The following ZW10 variants were observed in gnomAD, a reference collection of about 807,000 sequenced individuals.
ZW10 encodes the protein centromere/kinetochore protein zw10 homolog.
A neutral mutation model predicts 87.8 loss-of-function variants in ZW10; 53 were observed. That is an observed-to-expected ratio of 0.60 (90% CI 0.48 to 0.76). The LOEUF is 0.76. Ranked by LOEUF, ZW10 falls within the 30% of genes least tolerant of loss-of-function variation. The probability of loss-of-function intolerance (pLI) is 0.00; values close to 1 mark genes in which losing one functional copy is unlikely to be tolerated. For missense variants in ZW10, 837 were observed against 923.0 expected (o/e 0.91, Z 1.21); for synonymous variants, 312 against 329.2 (o/e 0.95, Z 0.57).
chr11:113,770,828 G>GAA (rs796466689), intron 1 of ZW10, among the ~76,000 whole-genome samples: 2 of 84,276 alleles, frequency 2.4e-5, no homozygotes, highest in East Asian at 3.5e-4. Flanking sequence ...CCTCAAAAAA[G>GAA]AAAAAAAAAA....
chr11:113,742,823 G>A (rs1170269437), intron 10 of ZW10, among the ~76,000 whole-genome samples: 1 of 152,156 alleles, frequency 6.6e-6, no homozygotes, highest in Non-Finnish European at 1.5e-5. Context: ...ATTAAAGCTA[G>A]GAAAGTATCT....
In ZW10 at chr11:113,743,651, T is replaced by TTTTTG. The variant is rs572653289; in HGVS notation, c.1511+146_1511+150dup. On this transcript the variant is annotated intron_variant, in intron 10 of 15. Coordinates refer to ENST00000200135, the MANE Select transcript of ZW10 (RefSeq NM_004724.4). ...ACATAAATCTGTGTGATGCACTGGGTTTTTGTTTTGTTTTGTTTTGTTTCC... is the reference window on the plus strand; with the variant it reads ...ACATAAATCTGTGTGATGCACTGGGTTTTTGTTTTGTTTTGTTTTGTTTTGTTTCC... The TTTTTG allele has an allele frequency of 4.4e-4, 302 of 687,996 alleles. 4 individuals carry two copies. The East Asian group carries it at 6.7e-3, about 15-fold the overall frequency. The allele number at this position is 687,996 out of a possible 1,614,324, so 42.6% of individuals were successfully genotyped here. A position where few individuals can be genotyped will look rare whatever the true frequency, so the allele number is the denominator to read the frequency against.
Position 113,760,269 on chromosome 11 carries a change from G to A in ZW10, c.520C>T (p.Leu174Phe), listed in dbSNP as rs756978303. ...TGCCACTCTTCTCCAAGGTGATAAAGTATGTTCTGTTTCTGTATTGTGAGC... is the reference window on the plus strand; with the variant it reads ...TGCCACTCTTCTCCAAGGTGATAAAATATGTTCTGTTTCTGTATTGTGAGC... ...MELTIQKQNI[L>F]YHLGEEWQKL... The change falls in exon 5 of 16, where the codon CTT (leucine) becomes TTT (phenylalanine). Residue 174 changes from leucine (L) to phenylalanine (F), a missense_variant. Transcript: ENST00000200135. 2.5e-6 allele frequency: 4 copies of A among 1,614,088 alleles called. No individual in the cohort carries two copies. The Admixed American group carries it at 5.0e-5, about 20-fold the overall frequency.
At chr11:113,754,661 G>A (rs762465198) in intron 7 of ZW10, among the ~76,000 whole-genome samples, 6 of 152,086 alleles carry the variant, frequency 3.9e-5, no homozygotes, top group Non-Finnish European at 5.9e-5. Flanking sequence ...ACCCAGGAGT[G>A]CAGTAACGTG....
intron 5 of ZW10, among the ~76,000 whole-genome samples, chr11:113,759,992 G>T (rs1007302620): frequency 1.3e-5 from 2 of 152,164 alleles, no homozygotes; most frequent in African/African-American, 4.8e-5. Context: ...TAGGGAACAG[G>T]ACAGCTAAGA....
intron 9 of ZW10, among the ~76,000 whole-genome samples, 169 bp downstream of exon 9, chr11:113,747,362 G>A (rs1246804180): frequency 2.6e-5 from 4 of 152,172 alleles, no homozygotes; most frequent in Admixed American, 2.0e-4. Context: ...CAATGGAAGA[G>A]GTGGAGATTA....
chr11:113,763,166 T>A (rs1953879626), intron 2 of ZW10, among the ~76,000 whole-genome samples: 1 of 152,238 alleles, frequency 6.6e-6, no homozygotes. Context: ...GGCTTCCAGC[T>A]TCATCCATAT....
chr11:113,751,216 C>T (rs568611825), intron 7 of ZW10: 98 of 286,864 alleles, frequency 3.4e-4, no homozygotes, highest in African/African-American at 1.9e-3. Flanking sequence ...CTGGCTTGAG[C>T]AGACACGACA....
chr11:113,745,164 G>A (rs1953666112), intron 9 of ZW10, among the ~76,000 whole-genome samples: 1 of 151,948 alleles, frequency 6.6e-6, no homozygotes, highest in South Asian at 2.1e-4. Flanking sequence ...GGCTGTGAAT[G>A]TGAAAACAGT....
Position 113,733,487 on chromosome 11 carries a change from G to C in ZW10, c.*207C>G. ...GGCTAGAAAGTCAATGAATTGAGGTGCTTTACTTGACAATTTATCTTAATA... is the reference window on the plus strand; with the variant it reads ...GGCTAGAAAGTCAATGAATTGAGGTCCTTTACTTGACAATTTATCTTAATA... On this transcript the variant is annotated 3_prime_UTR_variant, in exon 16 of 16. Coordinates refer to ENST00000200135, the MANE Select transcript of ZW10 (RefSeq NM_004724.4). 1 of 573,850 alleles carries C rather than the reference G, an allele frequency of 1.7e-6. No individual in the cohort carries two copies. The highest frequency in any genetic ancestry group is 3.0e-6 in the Non-Finnish European group (1 of 334,020). 35.5% of individuals were successfully genotyped at this position (573,850 alleles called of 1,614,324 possible). A position where few individuals can be genotyped will look rare whatever the true frequency, so the allele number is the denominator to read the frequency against.
intron 2 of ZW10, among the ~76,000 whole-genome samples, chr11:113,766,686 AAAAAAAAAAAAAT>A (rs1953910522): frequency 7.6e-6 from 1 of 131,240 alleles, no homozygotes; most frequent in South Asian, 2.4e-4. Flanking sequence ...AAAAAAAAAA[AAAAAAAAAAAAAT>A]TAATTTTTAA....
At chr11:113,770,008 C>A in intron 1 of ZW10, 1 of 179,808 alleles carries the variant, frequency 5.6e-6, no homozygotes, top group South Asian at 1.3e-4. Flanking sequence ...GAGTTAGCAC[C>A]AAAACAAATG....
At chr11:113,772,081 T>G (rs1953973374) in intron 1 of ZW10, among the ~76,000 whole-genome samples, 1 of 151,868 alleles carries the variant, frequency 6.6e-6, no homozygotes, top group Admixed American at 6.6e-5. Flanking sequence ...GAAATGGAAC[T>G]TGAAAAATGG....
At chr11:113,760,780 C>A (rs765969166) in intron 3 of ZW10, 37 bp downstream of exon 3, 3 of 1,581,712 alleles carry the variant, frequency 1.9e-6, no homozygotes, top group East Asian at 4.5e-5. Flanking sequence ...GACCTTCCCA[C>A]CACCAAAACA....
At chr11:113,755,066 T>TA in intron 7 of ZW10, among the ~76,000 whole-genome samples, 1 of 152,358 alleles carries the variant, frequency 6.6e-6, no homozygotes, top group East Asian at 1.9e-4. Context: ...CTGATGGAGA[T>TA]AAACAAGGAG....
At chr11:113,743,702 T>G in intron 10 of ZW10, 100 bp downstream of exon 10, 1 of 986,124 alleles carries the variant, frequency 1.0e-6, no homozygotes. Context: ...TTCTAGGATA[T>G]GAAAACCCAA....
In ZW10 at chr11:113,748,374, G is replaced by A; in HGVS notation, c.972C>T (p.Val324=). The change falls in exon 8 of 16, where the codon GTC becomes GTT. Residue 324 remains valine (V), a synonymous_variant. Transcript: ENST00000200135. ...TDLENEKTST[V]PLAEMLGDMI... ...TGTCTCCAAGCATCTCAGCCAATGG[G>A]ACAGTAGATGTTTTTTCATTTTCCA... The A allele has an allele frequency of 6.2e-7, 1 of 1,610,956 alleles. No individual in the cohort carries two copies. Among genetic ancestry groups the A allele is most frequent in the Non-Finnish European group, 8.5e-7 (1 of 1,179,006 alleles).
At position 113,738,188 on chromosome 11, in the gene ZW10, T is replaced by C. The variant is rs542064267; in HGVS notation, c.1884+76A>G. On this transcript the variant is annotated intron_variant, in intron 13 of 15. Coordinates refer to ENST00000200135, the MANE Select transcript of ZW10 (RefSeq NM_004724.4). ...TGAATACTTGTTACATATTGTTTTC[T>C]GCTTTAAAAAAGCAAACAAAAAAAA... 1.4e-3 allele frequency: 2,016 copies of C among 1,468,484 alleles called. 7 individuals carry two copies. The highest frequency in any genetic ancestry group is 1.8e-3 in the Non-Finnish European group (1,941 of 1,105,558). 91.0% of individuals were successfully genotyped at this position (1,468,484 alleles called of 1,614,324 possible).
intron 2 of ZW10, among the ~76,000 whole-genome samples, chr11:113,762,462 T>C (rs1953871533): frequency 6.6e-6 from 1 of 152,164 alleles, no homozygotes; most frequent in South Asian, 2.1e-4. Context: ...TTTTAAAAAT[T>C]TTCTTTCTTC....
Sources: allele counts gnomAD v4.1 joint callset (sites outside exome capture counted in the v4.1 genomes callset), GRCh38; gene constraint gnomAD v4.1.1; transcripts MANE v1.5; gene names NCBI Gene and HGNC (gene_info 2026-07-23, HGNC 2026-07-21).